The following ATAD2B variants were observed in gnomAD, a reference collection of about 807,000 sequenced individuals.
The protein encoded by ATAD2B is ATPase family AAA domain containing 2B.
A neutral mutation model predicts 167.6 loss-of-function variants in ATAD2B; 40 were observed. The ratio of observed to expected loss-of-function variants is 0.24; its 90% CI spans 0.19 to 0.31. ATAD2B has a LOEUF of 0.31. Ranked by LOEUF, ATAD2B falls within the 10% of genes least tolerant of loss-of-function variation. ATAD2B has a pLI of 1.00. For synonymous variants in ATAD2B, 579 were observed against 596.5 expected, an observed-to-expected ratio of 0.97 and a Z score of 0.43; for missense variants, 1,242 against 1,757.2, an observed-to-expected ratio of 0.71 and a Z score of 5.24.
chr2:23,709,244 G>A, the ATAD2B span, among the ~76,000 whole-genome samples: 1 of 152,084 alleles, frequency 6.6e-6, no homozygotes, highest in African/African-American at 2.4e-5. Flanking sequence ...GTTTTTCCAT[G>A]TTGGTCAGGG....
chr2:23,786,531 A>G (rs1350352722), intron 20 of ATAD2B, among the ~76,000 whole-genome samples: 3 of 152,126 alleles, frequency 2.0e-5, no homozygotes, highest in Non-Finnish European at 4.4e-5. Context: ...AGGCAACTGT[A>G]GCACAGTCGT....
chr2:23,728,398 G>T, the ATAD2B span, among the ~76,000 whole-genome samples: 2 of 152,134 alleles, frequency 1.3e-5, no homozygotes, highest in African/African-American at 2.4e-5. Flanking sequence ...TGGTAGAGGG[G>T]TTGGGGCACT....
At chr2:23,847,323 G>A (rs1268999797) in intron 13 of ATAD2B, among the ~76,000 whole-genome samples, 1 of 151,804 alleles carries the variant, frequency 6.6e-6, no homozygotes, top group Non-Finnish European at 1.5e-5. Flanking sequence ...GACCAATATG[G>A]TGAAACCCTG....
intron 22 of ATAD2B, among the ~76,000 whole-genome samples, chr2:23,776,010 G>A (rs1343196650): frequency 6.6e-6 from 1 of 152,172 alleles, no homozygotes. Context: ...CAGCTACTGG[G>A]GAGGCTGAGG....
intron 1 of ATAD2B, among the ~76,000 whole-genome samples, chr2:23,902,831 C>G (rs1161903910): frequency 6.6e-6 from 1 of 151,968 alleles, no homozygotes; most frequent in East Asian, 1.9e-4. Flanking sequence ...TTTGGGAGAC[C>G]CAGGCGGTAG....
chr2:23,696,572 C>T, the ATAD2B span: 29 of 1,347,282 alleles, frequency 2.2e-5, no homozygotes, highest in East Asian at 3.5e-4. This position sits in a 1 kb window ranked among gnomAD's most constrained non-coding sequence, Gnocchi z 5.5. Context: ...ACTGAAATCA[C>T]GTCACTCACT....
chr2:23,688,624 C>T, the ATAD2B span, among the ~76,000 whole-genome samples: 302 of 152,106 alleles, frequency 2.0e-3, 1 homozygote, highest in African/African-American at 6.8e-3. Flanking sequence ...TAGGTGACTC[C>T]AGGAAGCTCT....
chr2:23,817,610 T>TCTTTG (rs1308320297), intron 17 of ATAD2B, among the ~76,000 whole-genome samples: 4 of 152,222 alleles, frequency 2.6e-5, no homozygotes, highest in Admixed American at 6.5e-5. Context: ...CTATGTTATA[T>TCTTTG]CTTATTCATG....
At chr2:23,695,680 C>T in the ATAD2B span, 1 of 1,551,662 alleles carries the variant, frequency 6.4e-7, no homozygotes, top group Non-Finnish European at 8.7e-7. This position sits in a 1 kb window ranked among gnomAD's most constrained non-coding sequence, Gnocchi z 7.6. Flanking sequence ...CAGCTACCTG[C>T]TCAATGTGGT....
chr2:23,836,272 G>T (rs1013602387), intron 13 of ATAD2B, among the ~76,000 whole-genome samples: 1 of 152,198 alleles, frequency 6.6e-6, no homozygotes, highest in Non-Finnish European at 1.5e-5. Flanking sequence ...CTGTGAGGCT[G>T]TGGCTGGACC....
intron 1 of ATAD2B, among the ~76,000 whole-genome samples, chr2:23,911,871 A>T (rs1481508341): frequency 1.3e-5 from 2 of 151,094 alleles, no homozygotes; most frequent in Non-Finnish European, 2.9e-5. Context: ...GCTACTCAGG[A>T]GGCTGGGGCA....
At position 23,749,694 on chromosome 2, in the gene ATAD2B, T is replaced by C. The variant is rs1256559234; in HGVS notation, c.*2352A>G. The stretch of plus-strand genomic sequence containing the variant: ...GTTCCTATACTGAGGTTGCCTCCAA[T>C]TTCTCCATCTACATTACGGTTAAAA... On this transcript the variant is annotated 3_prime_UTR_variant, in exon 28 of 28. Coordinates refer to ENST00000238789, the MANE Select transcript of ATAD2B (RefSeq NM_017552.4). 1 of 152,078 alleles carries C rather than the reference T, an allele frequency of 6.6e-6. No homozygotes were observed. Among genetic ancestry groups the C allele is most frequent in the Non-Finnish European group, 1.5e-5 (1 of 68,012 alleles). The allele number at this position is 152,078 out of a possible 1,614,324, so 9.4% of individuals were successfully genotyped here.
chr2:23,813,489 A>C (rs2149565236), intron 17 of ATAD2B, among the ~76,000 whole-genome samples: 1 of 151,792 alleles, frequency 6.6e-6, no homozygotes, highest in South Asian at 2.1e-4. Context: ...TAATCCCAGC[A>C]CTTGGGAGAC....
intron 22 of ATAD2B, among the ~76,000 whole-genome samples, chr2:23,766,427 A>G (rs1405607394): frequency 6.6e-6 from 1 of 152,246 alleles, no homozygotes; most frequent in Non-Finnish European, 1.5e-5. Context: ...TTTCCTCTCT[A>G]GTAAGGGCAA....
intron 14 of ATAD2B, among the ~76,000 whole-genome samples, chr2:23,831,013 T>A (rs1326686156): frequency 1.3e-5 from 2 of 152,068 alleles, no homozygotes; most frequent in African/African-American, 4.8e-5. Context: ...TATAACCCAA[T>A]CAAAGTCACT....
chr2:23,690,640 G>A, the ATAD2B span: 1 of 152,196 alleles, frequency 6.6e-6, no homozygotes, highest in African/African-American at 2.4e-5. Flanking sequence ...CTACTCAGAG[G>A]AGCCAGGATG....
intron 1 of ATAD2B, among the ~76,000 whole-genome samples, chr2:23,911,976 C>CAAAAAAAAA (rs1160482347): frequency 1.6e-5 from 1 of 63,156 alleles, no homozygotes; most frequent in Non-Finnish European, 3.1e-5. Context: ...GATTCCATCT[C>CAAAAAAAAA]AAAAAAAAAA....
At chr2:23,774,106 T>C (rs1414834322) in intron 22 of ATAD2B, among the ~76,000 whole-genome samples, 3 of 152,212 alleles carry the variant, frequency 2.0e-5, no homozygotes, top group Non-Finnish European at 4.4e-5. Flanking sequence ...AGTAACCATA[T>C]TTTTAAGAAA....
the ATAD2B span, among the ~76,000 whole-genome samples, chr2:23,725,710 GA>G: frequency 2.2e-4 from 34 of 152,032 alleles, no homozygotes; most frequent in African/African-American, 8.2e-4. Flanking sequence ...GAATCCAGAG[GA>G]ATAAGAAACA....
Sources: gnomAD v4.1 joint callset for allele counts (sites outside exome capture counted in the v4.1 genomes callset) on GRCh38, gnomAD v4.1.1 for gene constraint, Gnocchi (gnomAD v3.1) non-coding constraint, MANE v1.5 for transcripts, NCBI Gene and HGNC (gene_info 2026-07-23, HGNC 2026-07-21) for gene names.